FLT3: variants seen among roughly 807,000 people sequenced by gnomAD.
The protein encoded by FLT3 is fms related receptor tyrosine kinase 3, also known as receptor-type tyrosine-protein kinase FLT3.
In FLT3, 46 loss-of-function variants were observed where a neutral mutation model predicts 126.6. That is an observed-to-expected ratio of 0.36 (90% CI 0.29 to 0.46). FLT3 has a LOEUF of 0.46. FLT3 is among the 20% of genes least tolerant of loss of function. FLT3 has a pLI of 1.00. For missense variants in FLT3, 1,069 were observed against 1,190.3 expected, an observed-to-expected ratio of 0.90 and a Z score of 1.50; for synonymous variants, 404 against 434.4, an observed-to-expected ratio of 0.93 and a Z score of 0.87.
intron 4 of FLT3, among the ~76,000 whole-genome samples, chr13:28,052,975 G>A (rs1875667722): frequency 2.0e-5 from 3 of 152,084 alleles, no homozygotes; most frequent in Admixed American, 1.3e-4. Context: ...ATAGGCACAG[G>A]AAAAAGGAAA....
chr13:28,026,079 G>A (rs953051722), intron 17 of FLT3, among the ~76,000 whole-genome samples: 2 of 152,096 alleles, frequency 1.3e-5, no homozygotes, highest in African/African-American at 2.4e-5. Context: ...AGCCAGGTGC[G>A]GTGGCTCATG....
In FLT3 at chr13:28,061,888, G is replaced by C. The variant is rs368416225; in HGVS notation, c.347C>G (p.Pro116Arg). 324 of 1,613,896 alleles carry C rather than the reference G, an allele frequency of 2.0e-4. 5 individuals carry two copies. The South Asian group carries it at 2.3e-3, about 12-fold the overall frequency. ...VFKHSSLNCQ[P>R]HFDLQNRGVV... The stretch of plus-strand genomic sequence containing the variant: ...TTACCTGTTTTGTAAATCAAAATGT[G>C]GCTGGCAATTCAGGGAGCTGTGCTT... Residue 116 changes from proline (P) to arginine (R), a missense_variant, in exon 3 of 24, where the codon CCA (proline) becomes CGA (arginine). Physicochemically the swap from Pro to Arg is moderately radical, Grantham distance 103. Coordinates refer to ENST00000241453, the MANE Select transcript of FLT3 (RefSeq NM_004119.3).
chr13:28,060,683 G>A (rs7990705), intron 3 of FLT3, among the ~76,000 whole-genome samples: 146,533 of 151,986 alleles, frequency 0.96, 70,757 homozygotes, highest in East Asian at 1. Flanking sequence ...TCGGCTCACC[G>A]AACATCCCCC....
rs1170957032 is a variant in FLT3, at chr13:28,048,553, T to C, written c.1037-110A>G. 4 of 759,166 alleles carry C rather than the reference T, an allele frequency of 5.3e-6. No homozygotes were observed. The East Asian group carries it at 8.1e-5, about 15-fold the overall frequency. 47.0% of individuals were successfully genotyped at this position (759,166 alleles called of 1,614,324 possible). A position where few individuals can be genotyped will look rare whatever the true frequency, so the allele number is the denominator to read the frequency against. ...TCAGTTTAACACAGGAAAACTCAAG[T>C]GTTGGCATGCTGCAGGTCAGGTTGG... On this transcript the variant is annotated intron_variant, in intron 8 of 23. Coordinates refer to ENST00000241453, the MANE Select transcript of FLT3 (RefSeq NM_004119.3).
In FLT3 at chr13:28,100,185, C is replaced by T. The variant is rs1199511967; in HGVS notation, c.43+283G>A. ...ACCCGGCGCAGCGCCTCGGCGAGGC[C>T]GTCTGCGAAGTCCGGGCCGCCACTC... is the stretch of plus-strand genomic sequence containing the variant. On this transcript the variant is annotated intron_variant, in intron 1 of 23. Transcript: ENST00000241453. The surrounding 1 kb of genome is among the most constrained non-coding windows in gnomAD (Gnocchi z 4.8). Among the ~76,000 whole-genome samples the T allele has an allele frequency of 6.6e-6, 1 of 151,956 alleles. No individual in the cohort carries two copies. Among genetic ancestry groups the T allele is most frequent in the Non-Finnish European group, 1.5e-5 (1 of 67,966 alleles).
At chr13:28,063,553 C>T (rs1303629950) in intron 2 of FLT3, among the ~76,000 whole-genome samples, 1 of 152,152 alleles carries the variant, frequency 6.6e-6, no homozygotes, top group Non-Finnish European at 1.5e-5. Flanking sequence ...TGGAGTCCCC[C>T]ACCTCCTATC....
At chr13:28,062,261 A>G (rs939335339) in intron 2 of FLT3, among the ~76,000 whole-genome samples, 192 bp from the exon 3 acceptor site, 1 of 152,170 alleles carries the variant, frequency 6.6e-6, no homozygotes, top group Non-Finnish European at 1.5e-5. Flanking sequence ...GAAAAGATAA[A>G]TAACATTGGG....
At chr13:28,038,646 G>A (rs1049801684) in intron 9 of FLT3, among the ~76,000 whole-genome samples, 6 of 151,938 alleles carry the variant, frequency 3.9e-5, no homozygotes, top group Non-Finnish European at 7.4e-5. Flanking sequence ...GTAGAGACAG[G>A]GGTTCACCGT....
At chr13:28,027,523 G>C (rs1473787701) in intron 16 of FLT3, among the ~76,000 whole-genome samples, 1 of 152,228 alleles carries the variant, frequency 6.6e-6, no homozygotes, top group Non-Finnish European at 1.5e-5. Flanking sequence ...GTTGGCAACT[G>C]AAAGTAATGT....
intron 1 of FLT3, among the ~76,000 whole-genome samples, chr13:28,093,999 A>C (rs1879292028): frequency 6.6e-6 from 1 of 152,216 alleles, no homozygotes; most frequent in Non-Finnish European, 1.5e-5. Flanking sequence ...TAATGTCTTC[A>C]GACTTCATAT....
intron 1 of FLT3, among the ~76,000 whole-genome samples, chr13:28,071,515 A>G (rs963536747): frequency 1.3e-5 from 2 of 151,230 alleles, no homozygotes; most frequent in African/African-American, 2.4e-5. Context: ...TCTCCTCTTT[A>G]CTTTCTGTTT....
intron 5 of FLT3, among the ~76,000 whole-genome samples, chr13:28,051,845 C>CA (rs1875514201): frequency 6.6e-6 from 1 of 151,720 alleles, no homozygotes; most frequent in African/African-American, 2.4e-5. Flanking sequence ...TGTGCCCAGC[C>CA]TAGAATTTCT....
At chr13:28,056,475 G>A (rs961213526) in intron 4 of FLT3, among the ~76,000 whole-genome samples, 3 of 152,168 alleles carry the variant, frequency 2.0e-5, no homozygotes, top group African/African-American at 7.2e-5. Context: ...CTAAAGGCAC[G>A]AGGACCTAAG....
At chr13:28,009,801 A>G (rs377518992) in intron 23 of FLT3, among the ~76,000 whole-genome samples, 3 of 152,084 alleles carry the variant, frequency 2.0e-5, no homozygotes, top group Non-Finnish European at 2.9e-5. Flanking sequence ...AGCTCAATCT[A>G]TGTTTGTGCC....
intron 1 of FLT3, among the ~76,000 whole-genome samples, chr13:28,095,646 C>T (rs139053372): frequency 1.3e-5 from 2 of 152,236 alleles, no homozygotes; most frequent in Non-Finnish European, 2.9e-5. Context: ...AAATACAATA[C>T]TCTTGAGATT....
rs991875753 is a variant in FLT3 at position 28,023,220 on chromosome 13, G to T, written c.2418+130C>A. ...CAAGAGCCAAGGTAACACGCTAGGT[G>T]ACTCCAACAGTGAACAGGGGAGAAA... On this transcript the variant is annotated intron_variant, in intron 19 of 23. Coordinates refer to ENST00000241453, the MANE Select transcript of FLT3 (RefSeq NM_004119.3). The T allele has an allele frequency of 4.4e-6, 4 of 901,350 alleles. No homozygotes were observed. In the African/African-American group the frequency reaches 5.0e-5, roughly 11 times the overall value. The allele number at this position is 901,350 out of a possible 1,614,324, so 55.8% of individuals were successfully genotyped here.
intron 1 of FLT3, chr13:28,073,351 GGAA>G: frequency 4.6e-6 from 1 of 215,740 alleles, no homozygotes. Flanking sequence ...CCTCATCTCT[GGAA>G]AAAAAAAAAA....
intron 19 of FLT3, among the ~76,000 whole-genome samples, chr13:28,018,968 CTTT>C (rs371765349): frequency 0.013 from 1,864 of 138,470 alleles, 38 homozygotes; most frequent in African/African-American, 0.047. Flanking sequence ...CATCTCTTTT[CTTT>C]TTTTTTTTTT....
intron 23 of FLT3, among the ~76,000 whole-genome samples, chr13:28,004,949 A>AT (rs1223304137): frequency 2.6e-5 from 4 of 152,128 alleles, no homozygotes; most frequent in East Asian, 1.9e-4. Flanking sequence ...ACTTTTAAAT[A>AT]TTTTTTTCTG....
Sources: allele counts gnomAD v4.1 joint callset (sites outside exome capture counted in the v4.1 genomes callset), GRCh38; gene constraint gnomAD v4.1.1; non-coding constraint Gnocchi (gnomAD v3.1); transcripts MANE v1.5; gene names NCBI Gene and HGNC (gene_info 2026-07-23, HGNC 2026-07-21).